LRRC9: variants seen among roughly 807,000 people sequenced by gnomAD.
LRRC9 encodes leucine-rich repeat-containing protein 9.
A neutral mutation model predicts 63.2 loss-of-function variants in LRRC9; 122 were observed. The ratio of observed to expected loss-of-function variants is 1.93; its 90% CI spans 1.67 to 2.24. The LOEUF (loss-of-function observed/expected upper bound fraction) is 2.24. LRRC9 is among the 30% of genes most tolerant of loss of function. The pLI, the probability that LRRC9 is intolerant of heterozygous loss-of-function variation, is 0.00. For missense variants in LRRC9, 1,071 were observed against 627.7 expected, an observed-to-expected ratio of 1.71 and a Z score of -7.55; for synonymous variants, 366 against 213.1, an observed-to-expected ratio of 1.72 and a Z score of -6.25.
At chr14:59,963,724 T>C (rs1420074838) in intron 10 of LRRC9, among the ~76,000 whole-genome samples, 4 of 152,208 alleles carry the variant, frequency 2.6e-5, no homozygotes, top group African/African-American at 9.6e-5. Context: ...TGACTTTCAG[T>C]AATTAATCTG....
At chr14:60,028,675 C>T (rs535305476) in intron 28 of LRRC9, among the ~76,000 whole-genome samples, 24 of 152,230 alleles carry the variant, frequency 1.6e-4, no homozygotes, top group African/African-American at 5.8e-4. Context: ...GAAGACATAA[C>T]CTTATACAGC....
At chr14:60,055,236 A>T (rs538444625) in intron 30 of LRRC9, among the ~76,000 whole-genome samples, 33 of 152,374 alleles carry the variant, frequency 2.2e-4, no homozygotes, top group African/African-American at 7.9e-4. Flanking sequence ...GACTATATCT[A>T]CAAATTTTTT....
chr14:59,928,152 T>A (rs1422175223), intron 2 of LRRC9, 116 bp from the exon 3 acceptor site: 3 of 565,178 alleles, frequency 5.3e-6, no homozygotes, highest in Non-Finnish European at 6.2e-6. Flanking sequence ...ACTTTCTCTC[T>A]TGTGAGATTA....
In LRRC9 at chr14:60,055,694, T is replaced by G. The variant is rs540177512; in HGVS notation, c.4132-2184T>G. Among the ~76,000 whole-genome samples, 117 of 144,746 alleles carry G rather than the reference T, an allele frequency of 8.1e-4. 1 individual carries two copies. Among genetic ancestry groups the G allele is most frequent in the African/African-American group, 2.9e-3 (113 of 39,296 alleles). 95.0% of individuals were successfully genotyped at this position (144,746 alleles called of 152,430 possible). On this transcript the variant is annotated intron_variant, in intron 30 of 31. Transcript: ENST00000445360. ...GATCACTTGAGCCCACGAGTTGGAGTGCAGCCTGGGGAACATGGCAAAACC... is the reference window on the plus strand; with the variant it reads ...GATCACTTGAGCCCACGAGTTGGAGGGCAGCCTGGGGAACATGGCAAAACC...
At chr14:59,946,780 G>A (rs1331442058) in intron 8 of LRRC9, among the ~76,000 whole-genome samples, 1 of 147,226 alleles carries the variant, frequency 6.8e-6, no homozygotes, top group East Asian at 2.0e-4. Context: ...TCTTGCGATA[G>A]TTTACTGAGA....
intron 8 of LRRC9, among the ~76,000 whole-genome samples, chr14:59,949,696 T>C (rs1459861631): frequency 1.3e-5 from 2 of 151,602 alleles, no homozygotes; most frequent in Non-Finnish European, 1.5e-5. Context: ...TGGTATGTTG[T>C]GTCTTTGTTC....
In LRRC9 at chr14:59,927,159, G is replaced by A. The variant is rs1889278377; in HGVS notation, c.-33-752G>A. On this transcript the variant is annotated intron_variant, in intron 1 of 31. Transcript: ENST00000445360. The surrounding 1 kb of genome is among the most constrained non-coding windows in gnomAD (Gnocchi z 4.4). ...TACATGCATTTACATATATACACAT[G>A]TATACACACATGCCTATGGGGGAGT... 2.0e-5 allele frequency among the ~76,000 whole-genome samples: 3 copies of A among 151,980 alleles called. No homozygotes were observed. In the South Asian group the frequency reaches 6.2e-4, roughly 32 times the overall value.
At chr14:60,057,763 T>C in intron 30 of LRRC9, 115 bp from the exon 31 acceptor site, 1 of 446,530 alleles carries the variant, frequency 2.2e-6, no homozygotes, top group Non-Finnish European at 4.1e-6. Flanking sequence ...GGCAAGCAGG[T>C]AGCTCCTGAC....
At position 60,042,612 on chromosome 14, in the gene LRRC9, G is replaced by C. The variant is rs1394841592; in HGVS notation, c.3991-10453G>C. On this transcript the variant is annotated intron_variant, in intron 29 of 31. Transcript: ENST00000445360. This position sits in a 1 kb window ranked among gnomAD's most constrained non-coding sequence, Gnocchi z 4.2. ...AGACCATTGGAAAAGCACAGTATTAGGCTGAGAGTGTCCCGATTTTCCAGG... is the reference window on the plus strand; with the variant it reads ...AGACCATTGGAAAAGCACAGTATTACGCTGAGAGTGTCCCGATTTTCCAGG... Among the ~76,000 whole-genome samples the C allele has an allele frequency of 2.0e-5, 3 of 152,176 alleles. No homozygotes were observed. The highest frequency in any genetic ancestry group is 4.4e-5 in the Non-Finnish European group (3 of 68,028).
intron 1 of LRRC9, among the ~76,000 whole-genome samples, chr14:59,924,576 A>G (rs1889046594): frequency 6.6e-6 from 1 of 152,122 alleles, no homozygotes. Context: ...TTACATTATT[A>G]CAACTGCCCA....
intron 8 of LRRC9, among the ~76,000 whole-genome samples, chr14:59,949,388 T>C (rs535943445): frequency 6.6e-6 from 1 of 150,668 alleles, no homozygotes; most frequent in Non-Finnish European, 1.5e-5. Flanking sequence ...GTCTATTTGA[T>C]TCTTCTCTCT....
At chr14:59,995,986 C>G (rs189983604) in intron 17 of LRRC9, among the ~76,000 whole-genome samples, 1 of 152,080 alleles carries the variant, frequency 6.6e-6, no homozygotes, top group Admixed American at 6.5e-5. Flanking sequence ...GTGATCCACC[C>G]GCCTCAGCCT....
intron 24 of LRRC9, 164 bp from the exon 25 acceptor site, chr14:60,018,207 G>T: frequency 1.8e-6 from 1 of 552,118 alleles, no homozygotes; most frequent in Non-Finnish European, 3.2e-6. Flanking sequence ...TGTATATTCA[G>T]CCGATCATTT....
At chr14:59,988,420 C>G (rs1252721456) in intron 17 of LRRC9, among the ~76,000 whole-genome samples, 2 of 152,122 alleles carry the variant, frequency 1.3e-5, no homozygotes, top group East Asian at 1.9e-4. Context: ...AATTCAGGTT[C>G]AAGACCACAA....
rs560510106 is a variant in LRRC9 at position 60,016,272 on chromosome 14, C to A, written c.3187-388C>A. Among the ~76,000 whole-genome samples, 5 of 152,284 alleles carry A rather than the reference C, an allele frequency of 3.3e-5. No homozygotes were observed. The South Asian group carries it at 1.0e-3, about 32-fold the overall frequency. On this transcript the variant is annotated intron_variant, in intron 23 of 31. Coordinates refer to ENST00000445360, the Ensembl canonical transcript of LRRC9. ...CCAGACTGGAATCCAGTGGCATGAT[C>A]ATAGCTCACTGCAGCCTCTGAACTG... is the stretch of plus-strand genomic sequence containing the variant.
chr14:60,006,289 C>A, intron 21 of LRRC9, 108 bp from the exon 22 acceptor site: 1 of 584,652 alleles, frequency 1.7e-6, no homozygotes, highest in Non-Finnish European at 3.0e-6. Context: ...ATCTTTAAAG[C>A]CATTTGAACC....
intron 20 of LRRC9, among the ~76,000 whole-genome samples, chr14:60,002,676 G>C (rs1051791165): frequency 1.3e-5 from 2 of 152,158 alleles, no homozygotes; most frequent in Admixed American, 6.6e-5. Context: ...ATAAAAAACA[G>C]GGAGGTCAAG....
In LRRC9 at chr14:59,923,314, T is replaced by TA. The variant is rs1329525862; in HGVS notation, c.-34+3433dup. Among the ~76,000 whole-genome samples the TA allele has an allele frequency of 6.6e-6, 1 of 152,230 alleles. No individual in the cohort carries two copies. The highest frequency in any genetic ancestry group is 1.5e-5 in the Non-Finnish European group (1 of 68,032). On this transcript the variant is annotated intron_variant, in intron 1 of 31. Transcript: ENST00000445360. The surrounding 1 kb of genome is among the most constrained non-coding windows in gnomAD (Gnocchi z 4.2). The stretch of plus-strand genomic sequence containing the variant: ...AATTAGAATAAGATTTTCTGCTAAA[T>TA]AAGTGCATTGATGAAGAGAAAATAA...
chr14:59,940,412 T>G (rs536953511), intron 7 of LRRC9, among the ~76,000 whole-genome samples: 1 of 151,978 alleles, frequency 6.6e-6, no homozygotes, highest in Non-Finnish European at 1.5e-5. Context: ...TTGAACAGAG[T>G]GCTATTGATT....
Sources: gnomAD v4.1 joint callset for allele counts (sites outside exome capture counted in the v4.1 genomes callset) on GRCh38, gnomAD v4.1.1 for gene constraint, Gnocchi (gnomAD v3.1) non-coding constraint, MANE v1.5 for transcripts, NCBI Gene and HGNC (gene_info 2026-07-23, HGNC 2026-07-21) for gene names.